The following MRPL1 variants were observed in gnomAD, a reference collection of about 807,000 sequenced individuals.
The protein encoded by MRPL1 is large ribosomal subunit protein uL1m.
In MRPL1, 28 loss-of-function variants were observed where a neutral mutation model predicts 38.0. The observed-to-expected ratio is 0.74, with a 90% CI of 0.55 to 1.01. The LOEUF (loss-of-function observed/expected upper bound fraction) is 1.01. Ranked by LOEUF, MRPL1 falls within the 50% of genes least tolerant of loss-of-function variation. The pLI is 0.00. For missense variants in MRPL1, 358 were observed against 389.8 expected (o/e 0.92, Z 0.69); for synonymous variants, 123 against 126.7 (o/e 0.97, Z 0.20).
chr4:77,902,801 T>C (rs544876689), intron 6 of MRPL1, among the ~76,000 whole-genome samples: 1 of 152,280 alleles, frequency 6.6e-6, no homozygotes, highest in African/African-American at 2.4e-5. Flanking sequence ...ATCAAAAGTT[T>C]CTGGAAGAAA....
At chr4:77,926,851 C>T (rs57221952) in intron 7 of MRPL1, among the ~76,000 whole-genome samples, 22,409 of 151,972 alleles carry the variant, frequency 0.15, 1,886 homozygotes, top group South Asian at 0.25. Flanking sequence ...TCAAGTGATC[C>T]ACCTGCCTTG....
chr4:77,937,089 C>T (rs1293473529), intron 7 of MRPL1, among the ~76,000 whole-genome samples: 1 of 151,928 alleles, frequency 6.6e-6, no homozygotes, highest in African/African-American at 2.4e-5. Context: ...AGTGTCATTG[C>T]ACTCCAGTCT....
intron 1 of MRPL1, among the ~76,000 whole-genome samples, chr4:77,869,148 T>G (rs1735220554): frequency 6.6e-6 from 1 of 151,792 alleles, no homozygotes; most frequent in Non-Finnish European, 1.5e-5. Flanking sequence ...GATTATAGAG[T>G]CAGGTGAGAA....
intron 2 of MRPL1, among the ~76,000 whole-genome samples, chr4:77,880,476 C>T (rs1026567484): frequency 3.4e-5 from 5 of 148,584 alleles, no homozygotes; most frequent in Non-Finnish European, 5.9e-5. Flanking sequence ...GGTCTTTAAC[C>T]TTATCTCGTC....
chr4:77,920,465 G>A (rs568464629), intron 7 of MRPL1, among the ~76,000 whole-genome samples: 2 of 152,292 alleles, frequency 1.3e-5, no homozygotes, highest in South Asian at 4.1e-4. Flanking sequence ...AGGTAAGAAA[G>A]TAAGGAAATG....
At chr4:77,877,281 C>T (rs937436148) in intron 2 of MRPL1, among the ~76,000 whole-genome samples, 26 of 151,940 alleles carry the variant, frequency 1.7e-4, no homozygotes, top group East Asian at 1.2e-3. Flanking sequence ...ATAATATTTA[C>T]GCCTGCAAAC....
At chr4:77,895,459 A>G (rs4607246) in intron 6 of MRPL1, among the ~76,000 whole-genome samples, 1 of 151,920 alleles carries the variant, frequency 6.6e-6, no homozygotes. Context: ...AGGGAGTACA[A>G]TTGGGAGGAA....
At chr4:77,902,041 C>G (rs1321212382) in intron 6 of MRPL1, among the ~76,000 whole-genome samples, 1 of 152,244 alleles carries the variant, frequency 6.6e-6, no homozygotes, top group Admixed American at 6.5e-5. Flanking sequence ...AATTAGAAAT[C>G]AGTAACCATG....
At chr4:77,905,179 A>C (rs962768953) in intron 6 of MRPL1, among the ~76,000 whole-genome samples, 1 of 152,134 alleles carries the variant, frequency 6.6e-6, no homozygotes, top group Non-Finnish European at 1.5e-5. Flanking sequence ...AAAGGGGCAA[A>C]ATAGTTGAGT....
intron 7 of MRPL1, among the ~76,000 whole-genome samples, chr4:77,935,948 G>T (rs980120526): frequency 2.3e-5 from 3 of 128,170 alleles, no homozygotes; most frequent in African/African-American, 9.0e-5. Context: ...AAAAAAAAAA[G>T]TAAACTCTGT....
intron 5 of MRPL1, among the ~76,000 whole-genome samples, chr4:77,891,748 C>CAGAAAG (rs1490092666): frequency 6.6e-6 from 1 of 152,000 alleles, no homozygotes; most frequent in Non-Finnish European, 1.5e-5. Context: ...TGTTATGAAG[C>CAGAAAG]TGTAAGTTCA....
rs183642718 is a variant in MRPL1, at chr4:77,931,108, G to T, written c.778-18689G>T. On this transcript the variant is annotated intron_variant, in intron 7 of 8. Transcript: ENST00000315567. ...ATAATATGTGGTGACTGGCTGTCCA[G>T]TGAAGCCATGAAATCCTCAAAACTG... 5.3e-5 allele frequency among the ~76,000 whole-genome samples: 8 copies of T among 152,348 alleles called. No homozygotes were observed. In the South Asian group the frequency reaches 6.2e-4, roughly 12 times the overall value.
chr4:77,921,383 A>C (rs1021263512), intron 7 of MRPL1, among the ~76,000 whole-genome samples: 27 of 152,272 alleles, frequency 1.8e-4, no homozygotes, highest in African/African-American at 6.5e-4. Context: ...CTATTATAGA[A>C]AGGTTGGTCA....
At chr4:77,907,730 A>G (rs1038660147) in intron 6 of MRPL1, among the ~76,000 whole-genome samples, 4 of 151,736 alleles carry the variant, frequency 2.6e-5, no homozygotes, top group African/African-American at 7.3e-5. Context: ...ACCTCAGCTG[A>G]TTTTTGTATT....
intron 6 of MRPL1, among the ~76,000 whole-genome samples, chr4:77,901,481 A>C (rs1024634210): frequency 6.6e-6 from 1 of 152,014 alleles, no homozygotes; most frequent in Non-Finnish European, 1.5e-5. Context: ...AAAAAAAAAA[A>C]CCCAACTATA....
chr4:77,940,838 G>T (rs1157918545), intron 7 of MRPL1, among the ~76,000 whole-genome samples: 1 of 152,120 alleles, frequency 6.6e-6, no homozygotes, highest in Non-Finnish European at 1.5e-5. Context: ...TTTATGTGGT[G>T]TATCACATTT....
intron 6 of MRPL1, among the ~76,000 whole-genome samples, chr4:77,898,425 T>TG (rs1424496887): frequency 6.6e-6 from 1 of 151,878 alleles, no homozygotes; most frequent in Admixed American, 6.6e-5. Context: ...AATGAATGAA[T>TG]GTTTAATCCA....
chr4:77,876,986 C>T (rs533375326), intron 2 of MRPL1, among the ~76,000 whole-genome samples: 7 of 152,210 alleles, frequency 4.6e-5, no homozygotes, highest in South Asian at 2.1e-4. Context: ...CTGCAACTTC[C>T]GCTTCCCAGG....
chr4:77,929,574 C>T (rs1736799033), intron 7 of MRPL1, among the ~76,000 whole-genome samples: 1 of 152,132 alleles, frequency 6.6e-6, no homozygotes, highest in African/African-American at 2.4e-5. Context: ...GCACCCTTCT[C>T]CCATTACAGA....
Sources: gnomAD v4.1 joint callset for allele counts (sites outside exome capture counted in the v4.1 genomes callset) on GRCh38, gnomAD v4.1.1 for gene constraint, MANE v1.5 for transcripts, NCBI Gene and HGNC (gene_info 2026-07-23, HGNC 2026-07-21) for gene names.